TRAPPC11: variants seen among roughly 807,000 people sequenced by gnomAD.
TRAPPC11 encodes the protein trafficking protein particle complex subunit 11.
A neutral mutation model predicts 151.2 loss-of-function variants in TRAPPC11; 104 were observed. The ratio of observed to expected loss-of-function variants is 0.69; its 90% CI spans 0.59 to 0.81. TRAPPC11 has a LOEUF of 0.81. TRAPPC11 is among the 30% of genes least tolerant of loss of function. TRAPPC11 has a pLI of 0.00. For missense variants in TRAPPC11, 1,230 were observed against 1,349.6 expected (o/e 0.91, Z 1.39); for synonymous variants, 456 against 472.3 (o/e 0.97, Z 0.45).
At chr4:183,706,547 C>T (rs1466124002) in intron 27 of TRAPPC11, among the ~76,000 whole-genome samples, 2 of 151,898 alleles carry the variant, frequency 1.3e-5, no homozygotes, top group Admixed American at 1.3e-4. Flanking sequence ...AGAAATGATC[C>T]TTAAAATATA....
At chr4:183,661,411 G>C (rs1047057062) in intron 1 of TRAPPC11, among the ~76,000 whole-genome samples, 1 of 117,022 alleles carries the variant, frequency 8.5e-6, no homozygotes, top group Non-Finnish European at 1.6e-5. Flanking sequence ...TCGCTCTGTC[G>C]CCCAGGCTGG....
Position 183,674,818 on chromosome 4 carries a change from T to C in TRAPPC11, c.660+6T>C. On this transcript the variant is annotated splice_donor_region_variant and intron_variant, in intron 6 of 29. Coordinates refer to ENST00000334690, the MANE Select transcript of TRAPPC11 (RefSeq NM_021942.6). Reference sequence around the variant, plus strand: ...TGAATAAAACAACACACCAGGTGCGTGATTTTTTGCAATAATAGAAGCATT... The same window carrying C: ...TGAATAAAACAACACACCAGGTGCGCGATTTTTTGCAATAATAGAAGCATT... 1 of 1,546,630 alleles carries C rather than the reference T, an allele frequency of 6.5e-7. No individual in the cohort carries two copies. The highest frequency in any genetic ancestry group is 1.4e-5 in the African/African-American group (1 of 72,006).
At chr4:183,700,061 C>A (rs1410118314) in intron 25 of TRAPPC11, among the ~76,000 whole-genome samples, 3 of 152,128 alleles carry the variant, frequency 2.0e-5, no homozygotes, top group Non-Finnish European at 4.4e-5. Flanking sequence ...ATCTGCTCAT[C>A]TCAGCCTCCC....
chr4:183,708,627 G>T, intron 29 of TRAPPC11, 53 bp downstream of exon 29: 1 of 1,546,058 alleles, frequency 6.5e-7, no homozygotes, highest in Non-Finnish European at 8.9e-7. Context: ...AAAACAAACA[G>T]ACTTCTTTTT....
At position 183,664,084 on chromosome 4, in the gene TRAPPC11, T is replaced by G. The variant is rs753593610; in HGVS notation, c.204+13T>G. Reference sequence around the variant, plus strand: ...ATGTAGACCCAAGGTAATGGCATTGTGATGGCATGTGTTCTTTCCTTCTCT... The same window carrying G: ...ATGTAGACCCAAGGTAATGGCATTGGGATGGCATGTGTTCTTTCCTTCTCT... On this transcript the variant is annotated intron_variant, in intron 2 of 29. Transcript: ENST00000334690. 7 of 1,597,928 alleles carry G rather than the reference T, an allele frequency of 4.4e-6. No homozygotes were observed. The highest frequency in any genetic ancestry group is 6.0e-6 in the Non-Finnish European group (7 of 1,168,076).
At chr4:183,680,318 T>C (rs759987103) in intron 10 of TRAPPC11, 51 bp downstream of exon 10, 1 of 1,584,382 alleles carries the variant, frequency 6.3e-7, no homozygotes, top group Non-Finnish European at 8.6e-7. Context: ...TATTCTTCTT[T>C]TGAAAGAAGC....
intron 2 of TRAPPC11, among the ~76,000 whole-genome samples, chr4:183,665,249 C>G (rs1022763183): frequency 6.6e-6 from 1 of 151,958 alleles, no homozygotes; most frequent in Non-Finnish European, 1.5e-5. Context: ...CGCCCGCCAC[C>G]ACGTCCAGCT....
intron 29 of TRAPPC11, among the ~76,000 whole-genome samples, chr4:183,710,847 G>C (rs922473304): frequency 2.0e-5 from 3 of 151,632 alleles, no homozygotes; most frequent in Non-Finnish European, 4.4e-5. Flanking sequence ...TAGTTAACAT[G>C]GTGAAACCCC....
At chr4:183,702,070 G>A (rs1040104941) in intron 26 of TRAPPC11, among the ~76,000 whole-genome samples, 1 of 152,182 alleles carries the variant, frequency 6.6e-6, no homozygotes, top group Non-Finnish European at 1.5e-5. Flanking sequence ...TGGGCTGGGC[G>A]CAGTGGCTCC....
At position 183,665,091 on chromosome 4, in the gene TRAPPC11, C is replaced by CTTTTT. The variant is rs66913932; in HGVS notation, c.204+1037_204+1041dup. Among the ~76,000 whole-genome samples, 992 of 106,260 alleles carry CTTTTT rather than the reference C, an allele frequency of 9.3e-3. 2 individuals are homozygous for CTTTTT. The highest frequency in any genetic ancestry group is 0.011 in the Non-Finnish European group (607 of 55,638). The allele number at this position is 106,260 out of a possible 152,430, so 69.7% of individuals were successfully genotyped here. A position where few individuals can be genotyped will look rare whatever the true frequency, so the allele number is the denominator to read the frequency against. ...TCACACGATTATTTTTCTTTTCTTTCTTTTTTTTTTTTTTTTTTTTTGAGA... is the reference window on the plus strand; with the variant it reads ...TCACACGATTATTTTTCTTTTCTTTCTTTTTTTTTTTTTTTTTTTTTTTTTTGAGA... On this transcript the variant is annotated intron_variant, in intron 2 of 29. Transcript: ENST00000334690.
At position 183,693,730 on chromosome 4, in the gene TRAPPC11, A is replaced by G. The variant is rs748042074; in HGVS notation, c.2379A>G (p.Leu793=). Residue 793 remains leucine (L), a synonymous_variant, in exon 21 of 30, where the codon TTA becomes TTG. Transcript: ENST00000334690. ...GAGATGTGAAGCTCACCGCTGGCTT[A>G]AAACCAGGTAAGCATTCCTTTTTGT... ...QIRDVKLTAG[L]KPGQDANLTQ... 6.2e-7 allele frequency: 1 copy of G among 1,613,380 alleles called. No individual in the cohort carries two copies. The highest frequency in any genetic ancestry group is 1.3e-5 in the African/African-American group (1 of 75,016).
chr4:183,695,599 G>A (rs900264726), intron 23 of TRAPPC11, among the ~76,000 whole-genome samples: 2 of 152,042 alleles, frequency 1.3e-5, no homozygotes, highest in Admixed American at 6.6e-5. Flanking sequence ...TTTGTTAGTA[G>A]AACATTATGA....
rs1392016554 is a variant in TRAPPC11 at position 183,694,681 on chromosome 4, T to C, written c.2586T>C (p.Asn862=). The change falls in exon 23 of 30, where the codon AAT becomes AAC. Residue 862 remains asparagine (N), a synonymous_variant. Transcript: ENST00000334690. ...MFLVYVSYLI[N]TTVEEKEIVC... is the part of the protein sequence containing the mutation. ...TTGTATATGTTTCTTACCTGATAAA[T>C]ACAACCGTTGAAGAAAAAGAAATTG... The C allele has an allele frequency of 6.2e-7, 1 of 1,608,630 alleles. No homozygotes were observed. The highest frequency in any genetic ancestry group is 1.7e-5 in the Admixed American group (1 of 58,504).
chr4:183,666,609 G>T (rs1002446201), intron 3 of TRAPPC11, among the ~76,000 whole-genome samples, 183 bp downstream of exon 3: 1 of 152,172 alleles, frequency 6.6e-6, no homozygotes, highest in African/African-American at 2.4e-5. Context: ...TGCTGGGTAC[G>T]TGAAGAAATT....
At chr4:183,683,672 A>G (rs1735813283) in intron 11 of TRAPPC11, among the ~76,000 whole-genome samples, 1 of 152,196 alleles carries the variant, frequency 6.6e-6, no homozygotes, top group African/African-American at 2.4e-5. Flanking sequence ...AAAAAAGAAA[A>G]AAAGGAAATG....
intron 25 of TRAPPC11, among the ~76,000 whole-genome samples, chr4:183,699,998 G>A (rs1736726247): frequency 6.6e-6 from 1 of 151,982 alleles, no homozygotes; most frequent in Admixed American, 6.6e-5. Context: ...GCTAATTTTT[G>A]TATTTTTAGT....
chr4:183,684,068 C>A lies in TRAPPC11; in HGVS notation c.1287+14C>A. On this transcript the variant is annotated intron_variant, in intron 12 of 29. Coordinates refer to ENST00000334690, the MANE Select transcript of TRAPPC11 (RefSeq NM_021942.6). The stretch of plus-strand genomic sequence containing the variant: ...GTTGTTCACTCTGTAAGTTTTGTGT[C>A]CAATATAAACTATTTTTTACACTAT... 6.2e-7 allele frequency: 1 copy of A among 1,611,396 alleles called. No homozygotes were observed. The highest frequency in any genetic ancestry group is 1.7e-4 in the Middle Eastern group (1 of 6,056).
At chr4:183,660,777 G>C (rs191315404) in intron 1 of TRAPPC11, among the ~76,000 whole-genome samples, 6 of 152,100 alleles carry the variant, frequency 3.9e-5, no homozygotes, top group African/African-American at 1.4e-4. Context: ...GCAGTGGTGC[G>C]ATCTCGGCTC....
rs201111608 is a variant in TRAPPC11 at position 183,663,826 on chromosome 4, G to A, written c.-21-21G>A. 42 of 1,260,328 alleles carry A rather than the reference G, an allele frequency of 3.3e-5. 1 individual carries two copies. In the East Asian group the frequency reaches 1.8e-3, roughly 53 times the overall value. 78.1% of individuals were successfully genotyped at this position (1,260,328 alleles called of 1,614,324 possible). On this transcript the variant is annotated intron_variant, in intron 1 of 29. Coordinates refer to ENST00000334690, the MANE Select transcript of TRAPPC11 (RefSeq NM_021942.6). ...GAGTTTTTAAAAATTAATTATGAAT[G>A]TATTAACATTTGTATTTCAGGTTTT...
Sources: gnomAD v4.1 joint callset for allele counts (sites outside exome capture counted in the v4.1 genomes callset) on GRCh38, gnomAD v4.1.1 for gene constraint, MANE v1.5 for transcripts, NCBI Gene and HGNC (gene_info 2026-07-23, HGNC 2026-07-21) for gene names.